WDR59: variants seen among roughly 807,000 people sequenced by gnomAD.
WDR59 encodes the protein GATOR2 complex protein WDR59.
Under a neutral mutation model 131.2 loss-of-function variants are expected in WDR59, and 100 were observed. The observed-to-expected ratio is 0.76, with a 90% CI of 0.65 to 0.90. The LOEUF is 0.90. Ranked by LOEUF, WDR59 falls within the 40% of genes least tolerant of loss-of-function variation. The pLI is 0.00. For missense variants in WDR59, 1,203 were observed against 1,262.2 expected (o/e 0.95, Z 0.71); for synonymous variants, 601 against 466.2 (o/e 1.29, Z -3.72).
intron 10 of WDR59, among the ~76,000 whole-genome samples, chr16:74,921,225 T>G (rs2030194170): frequency 6.6e-6 from 1 of 152,070 alleles, no homozygotes. Flanking sequence ...TGGTTATTTT[T>G]TTCTGATCCT....
At chr16:74,972,653 G>C (rs922243515) in intron 1 of WDR59, among the ~76,000 whole-genome samples, 14 of 150,426 alleles carry the variant, frequency 9.3e-5, no homozygotes, top group African/African-American at 3.2e-4. Context: ...GGCCAACATG[G>C]CTACTAAAAA....
At chr16:74,959,391 G>C (rs13335824) in intron 2 of WDR59, 31,435 of 325,630 alleles carry the variant, frequency 0.097, 2,065 homozygotes, top group African/African-American at 0.22. Flanking sequence ...AGAGATGCCA[G>C]TCGCTCTTTA....
Position 74,911,002 on chromosome 16 carries a change from T to C in WDR59, c.1390-1085A>G, listed in dbSNP as rs559504794. On this transcript the variant is annotated intron_variant, in intron 14 of 25. Coordinates refer to ENST00000262144, the MANE Select transcript of WDR59 (RefSeq NM_030581.4). ...CCTCAGCCTACCGAGTCGCTGGGAA[T>C]ACAGGCATGCGCCACCACGCCTGGC... Among the ~76,000 whole-genome samples, 5 of 152,312 alleles carry C rather than the reference T, an allele frequency of 3.3e-5. No homozygotes were observed. The South Asian group carries it at 1.0e-3, about 32-fold the overall frequency.
intron 20 of WDR59, 100 bp downstream of exon 20, chr16:74,892,384 G>T: frequency 9.8e-7 from 1 of 1,020,460 alleles, no homozygotes; most frequent in South Asian, 1.4e-5. Flanking sequence ...TCCAAATTAA[G>T]ACACACACTT....
intron 18 of WDR59, among the ~76,000 whole-genome samples, chr16:74,900,218 A>T (rs1274461466): frequency 4.6e-5 from 7 of 151,852 alleles, no homozygotes; most frequent in Non-Finnish European, 1.0e-4. Flanking sequence ...TCAATACCAA[A>T]TTTTTTCTGG....
chr16:74,959,784 G>C (rs540327771), intron 2 of WDR59, among the ~76,000 whole-genome samples: 1 of 130,536 alleles, frequency 7.7e-6, no homozygotes, highest in East Asian at 2.3e-4. Flanking sequence ...GAAAAGGAAA[G>C]AAAAAACTCC....
intron 7 of WDR59, among the ~76,000 whole-genome samples, chr16:74,941,291 T>C (rs1191756328): frequency 1.4e-5 from 2 of 144,020 alleles, no homozygotes; most frequent in Admixed American, 7.2e-5. Context: ...CAGTGAGCCA[T>C]AGTTACACTA....
chr16:74,983,749 G>A (rs954761671), intron 1 of WDR59, among the ~76,000 whole-genome samples: 2 of 151,856 alleles, frequency 1.3e-5, no homozygotes, highest in African/African-American at 2.4e-5. Context: ...GCTGAGGCAG[G>A]GGGTTCGCTT....
At chr16:74,882,807 C>CAAAAAAAAAAAAAAAAAAAAAAAAAAAAA (rs569507124) in intron 25 of WDR59, among the ~76,000 whole-genome samples, 8 of 51,412 alleles carry the variant, frequency 1.6e-4, no homozygotes, top group Non-Finnish European at 2.3e-4. Context: ...AACACTGTCT[C>CAAAAAAAAAAAAAAAAAAAAAAAAAAAAA]AAAAAAAAAA....
chr16:74,921,883 A>G, intron 10 of WDR59, 64 bp downstream of exon 10: 13 of 1,556,424 alleles, frequency 8.4e-6, no homozygotes, highest in Non-Finnish European at 1.1e-5. Context: ...CCATGGCAAC[A>G]CTGACTGGCA....
intron 14 of WDR59, among the ~76,000 whole-genome samples, chr16:74,910,415 T>C (rs1966030881): frequency 6.6e-6 from 1 of 152,184 alleles, no homozygotes; most frequent in Admixed American, 6.5e-5. Flanking sequence ...TGAGCCCTCC[T>C]AGAGAAGCTC....
At chr16:74,907,578 T>A (rs1965877716) in intron 17 of WDR59, among the ~76,000 whole-genome samples, 1 of 152,224 alleles carries the variant, frequency 6.6e-6, no homozygotes, top group Admixed American at 6.5e-5. Flanking sequence ...TCTTTATAAA[T>A]TACCCAGTCT....
intron 4 of WDR59, 98 bp downstream of exon 4, chr16:74,951,360 A>T (rs1438622102): frequency 8.3e-7 from 1 of 1,207,834 alleles, no homozygotes; most frequent in Admixed American, 2.0e-5. Context: ...TGCAACACAG[A>T]CAGTCAAGCC....
intron 9 of WDR59, 116 bp from the exon 10 acceptor site, chr16:74,922,219 C>A: frequency 7.5e-7 from 1 of 1,324,860 alleles, no homozygotes; most frequent in Non-Finnish European, 1.0e-6. Context: ...AATGGAAGGC[C>A]CCAACTCATC....
intron 7 of WDR59, among the ~76,000 whole-genome samples, chr16:74,938,481 G>A (rs1208386770): frequency 6.6e-6 from 1 of 152,172 alleles, no homozygotes; most frequent in Non-Finnish European, 1.5e-5. Context: ...AAATGCGCCT[G>A]TGAGCCTCGT....
At chr16:74,921,773 C>T (rs368128900) in intron 10 of WDR59, among the ~76,000 whole-genome samples, 174 bp downstream of exon 10, 1 of 107,992 alleles carries the variant, frequency 9.3e-6, no homozygotes, top group Admixed American at 1.0e-4. Context: ...GTAACAGCAG[C>T]CTTATATAGT....
intron 1 of WDR59, among the ~76,000 whole-genome samples, chr16:74,974,737 C>T (rs753227209): frequency 6.6e-6 from 1 of 152,190 alleles, no homozygotes; most frequent in African/African-American, 2.4e-5. Context: ...ACGGTGCCTA[C>T]ATGACCAGCC....
chr16:74,967,586 C>T (rs1006593309), intron 1 of WDR59, among the ~76,000 whole-genome samples: 1 of 152,120 alleles, frequency 6.6e-6, no homozygotes, highest in African/African-American at 2.4e-5. Flanking sequence ...CGGCTGGGCG[C>T]GGCGGCTCAT....
In WDR59 at chr16:74,889,699, C is replaced by T. The variant is rs1321370066; in HGVS notation, c.2195+4G>A. ...TTTTCTCATTTTTAGCTCTCAAAAC[C>T]TACAGGGACTCCAGCAGCTGCCGCC... On this transcript the variant is annotated splice_donor_region_variant and intron_variant, in intron 21 of 25. Coordinates refer to ENST00000262144, the MANE Select transcript of WDR59 (RefSeq NM_030581.4). 2 of 1,611,760 alleles carry T rather than the reference C, an allele frequency of 1.2e-6. No individual in the cohort carries two copies. Among genetic ancestry groups the T allele is most frequent in the South Asian group, 2.2e-5 (2 of 90,702 alleles).
Sources: allele counts gnomAD v4.1 joint callset (sites outside exome capture counted in the v4.1 genomes callset), GRCh38; gene constraint gnomAD v4.1.1; transcripts MANE v1.5; gene names NCBI Gene and HGNC (gene_info 2026-07-23, HGNC 2026-07-21).